LVRN: variants seen among roughly 807,000 people sequenced by gnomAD.
LVRN encodes the protein laeverin.
LVRN carries 99 observed loss-of-function variants against 111.4 expected under a neutral mutation model. That is an observed-to-expected ratio of 0.89 (90% CI 0.76 to 1.05). The LOEUF (loss-of-function observed/expected upper bound fraction) is 1.05, where lower values mean the gene tolerates loss of function less well. Among genes scored for constraint, LVRN ranks in the 50% least tolerant of loss-of-function variants. The pLI, the probability that LVRN is intolerant of heterozygous loss-of-function variation, is 0.00. For missense variants in LVRN, 1,414 were observed against 1,206.8 expected (o/e 1.17, Z -2.54); for synonymous variants, 488 against 449.5 (o/e 1.09, Z -1.08).
chr5:116,025,741 G>T (rs1233753743), intron 19 of LVRN, among the ~76,000 whole-genome samples: 3 of 152,158 alleles, frequency 2.0e-5, no homozygotes, highest in Admixed American at 1.3e-4. Flanking sequence ...ATAAGGCATA[G>T]TTTCTGCTTC....
chr5:115,980,231 G>A lies in LVRN; in HGVS notation c.696-3056G>A, dbSNP rs527263954. 7.2e-5 allele frequency among the ~76,000 whole-genome samples: 11 copies of A among 152,028 alleles called. No individual in the cohort carries two copies. The South Asian group carries it at 1.3e-3, about 17-fold the overall frequency. On this transcript the variant is annotated intron_variant, in intron 1 of 19. Transcript: ENST00000357872. ...TTCTATTTTCTGAAGTCAAAATATCGTTACAGGGTAGCTTGAGTCCAAAGC... is the reference window on the plus strand; with the variant it reads ...TTCTATTTTCTGAAGTCAAAATATCATTACAGGGTAGCTTGAGTCCAAAGC...
Position 116,026,092 on chromosome 5 carries a change from G to A in LVRN, c.2947G>A (p.Ala983Thr). Residue 983 changes from alanine (A) to threonine (T), a missense_variant, in exon 20 of 20, where the codon GCT becomes ACT. Coordinates refer to ENST00000357872, the MANE Select transcript of LVRN (RefSeq NM_173800.5). ...LKNKKLSARI[A>T]AWLRRNT The stretch of plus-strand genomic sequence containing the variant: ...AAACAAGAAGCTAAGTGCCAGGATA[G>A]CTGCGTGGCTAAGGAGAAACACATA... The A allele has an allele frequency of 6.2e-7, 1 of 1,613,842 alleles. No individual in the cohort carries two copies. Among genetic ancestry groups the A allele is most frequent in the Non-Finnish European group, 8.5e-7 (1 of 1,179,822 alleles).
intron 15 of LVRN, among the ~76,000 whole-genome samples, chr5:116,013,946 C>G (rs1484564019): frequency 1.3e-5 from 2 of 152,300 alleles, no homozygotes; most frequent in African/African-American, 4.8e-5. Context: ...AAGAAACACA[C>G]TAAAGCAAAA....
chr5:115,990,241 C>T (rs777306243), intron 4 of LVRN, among the ~76,000 whole-genome samples: 3 of 152,118 alleles, frequency 2.0e-5, no homozygotes, highest in Admixed American at 6.6e-5. Flanking sequence ...ATTATTGTGC[C>T]AATTGACACT....
chr5:115,982,650 T>G (rs1753584402), intron 1 of LVRN, among the ~76,000 whole-genome samples: 1 of 152,152 alleles, frequency 6.6e-6, no homozygotes, highest in Non-Finnish European at 1.5e-5. Context: ...AGCTTTTCCC[T>G]GTAAGTCACC....
intron 1 of LVRN, among the ~76,000 whole-genome samples, chr5:115,971,505 G>A (rs1218530948): frequency 1.3e-5 from 2 of 152,074 alleles, no homozygotes; most frequent in African/African-American, 2.4e-5. Context: ...ATGGTGTGAG[G>A]TATGGATTAA....
intron 10 of LVRN, among the ~76,000 whole-genome samples, chr5:116,002,621 GAC>G (rs1385599325): frequency 6.6e-6 from 1 of 152,182 alleles, no homozygotes; most frequent in African/African-American, 2.4e-5. Context: ...AAATCCGTAA[GAC>G]ACAACAGGAG....
chr5:115,987,025 A>C (rs1465137545), intron 3 of LVRN, among the ~76,000 whole-genome samples: 2 of 151,382 alleles, frequency 1.3e-5, no homozygotes, highest in Admixed American at 6.6e-5. Context: ...TTCTATTAAA[A>C]ATTACTTACT....
At chr5:115,985,246 C>G (rs1233160187) in intron 3 of LVRN, among the ~76,000 whole-genome samples, 1 of 152,090 alleles carries the variant, frequency 6.6e-6, no homozygotes, top group Admixed American at 6.6e-5. Flanking sequence ...AAAGCGACCC[C>G]CAAATGCAGA....
chr5:115,985,101 A>C (rs1487003188), intron 3 of LVRN, among the ~76,000 whole-genome samples: 1 of 152,170 alleles, frequency 6.6e-6, no homozygotes, highest in Non-Finnish European at 1.5e-5. Context: ...GGTGATACTC[A>C]AAACAGTTAG....
rs758910161 is a variant in LVRN, at chr5:115,992,222, T to A, written c.1205T>A (p.Leu402Gln). ...SGLLLEPKDQ[L>Q]TEKKTLISYV... Reference sequence around the variant, plus strand: ...TTGTTGTTGGAACCAAAAGATCAACTGACAGAAAAAAAGACTCTGATCTCC... The same window carrying A: ...TTGTTGTTGGAACCAAAAGATCAACAGACAGAAAAAAAGACTCTGATCTCC... The change falls in exon 5 of 20, where the codon CTG becomes CAG. Residue 402 changes from leucine to glutamine, a missense_variant. Physicochemically the swap from Leu to Gln is moderately radical, Grantham distance 113 (BLOSUM62 -2). Transcript: ENST00000357872. 1.9e-6 allele frequency: 3 copies of A among 1,613,826 alleles called. No individual in the cohort carries two copies. The African/African-American group carries it at 4.0e-5, about 22-fold the overall frequency.
intron 5 of LVRN, among the ~76,000 whole-genome samples, chr5:115,993,180 T>C (rs1748030953): frequency 6.7e-6 from 1 of 148,984 alleles, no homozygotes; most frequent in Non-Finnish European, 1.5e-5. Context: ...CCTAATTCTG[T>C]TCATCATCCA....
chr5:115,993,200 G>GTTTTT (rs35417462), intron 5 of LVRN, among the ~76,000 whole-genome samples: 2,916 of 148,718 alleles, frequency 0.02, 106 homozygotes, highest in East Asian at 0.079. Flanking sequence ...ATTTGACACT[G>GTTTTT]TTTTTTTTTT....
intron 19 of LVRN, among the ~76,000 whole-genome samples, chr5:116,024,583 G>A (rs563772270): frequency 1.3e-5 from 2 of 152,252 alleles, no homozygotes; most frequent in South Asian, 4.1e-4. Context: ...CAAAAGCTCC[G>A]CGAATCAAGA....
In LVRN at chr5:116,026,522, T is replaced by C. The variant is rs115132832; in HGVS notation, c.*404T>C. The C allele has an allele frequency of 8.4e-3, 2,031 of 242,032 alleles. 12 individuals carry two copies. The highest frequency in any genetic ancestry group is 0.025 in the Middle Eastern group (17 of 668). 15.0% of individuals were successfully genotyped at this position (242,032 alleles called of 1,614,324 possible). The stretch of plus-strand genomic sequence containing the variant: ...AGTTTTTCCAGGCCCTAGGGTTTAT[T>C]TAGTTCAACATTGAAGATTGAAAAG... On this transcript the variant is annotated 3_prime_UTR_variant, in exon 20 of 20. Coordinates refer to ENST00000357872, the MANE Select transcript of LVRN (RefSeq NM_173800.5).
chr5:116,003,389 A>T lies in LVRN; in HGVS notation c.2037+9A>T, dbSNP rs6594929. The T allele has an allele frequency of 7.2e-7, 1 of 1,382,588 alleles. No homozygotes were observed. The highest frequency in any genetic ancestry group is 2.6e-5 in the East Asian group (1 of 39,110). 85.6% of individuals were successfully genotyped at this position (1,382,588 alleles called of 1,614,324 possible). The stretch of plus-strand genomic sequence containing the variant: ...TTGAAAAGGATCCTAAGGTAAGGTT[A>T]CTTTTGATACTTTTAATTAAATATA... On this transcript the variant is annotated intron_variant, in intron 12 of 19. Transcript: ENST00000357872.
intron 6 of LVRN, 78 bp from the exon 7 acceptor site, chr5:115,999,684 A>C: frequency 2.0e-6 from 3 of 1,486,772 alleles, no homozygotes; most frequent in Non-Finnish European, 2.8e-6. Flanking sequence ...TCAGTTTTTG[A>C]AAGTATTTTA....
At chr5:115,975,197 G>A (rs1471267169) in intron 1 of LVRN, 43 of 478,792 alleles carry the variant, frequency 9.0e-5, no homozygotes, top group Non-Finnish European at 1.6e-4. Flanking sequence ...CTGTCTGGGC[G>A]CACATCTAAC....
Position 116,015,711 on chromosome 5 carries a change from G to A in LVRN, c.2702G>A (p.Gly901Asp). The change falls in exon 18 of 20, where the codon GGC (glycine) becomes GAC (aspartate). Residue 901 changes from glycine to aspartate, a missense_variant. Transcript: ENST00000357872. Reference sequence around the variant, plus strand: ...GAGGTTGTGGCTTCATCTGAAGTTGGCCGGTATGTCGCAAAAGACTTCTTA... The same window carrying A: ...GAGGTTGTGGCTTCATCTGAAGTTGACCGGTATGTCGCAAAAGACTTCTTA... The part of the protein sequence containing the change: ...IIEVVASSEV[G>D]RYVAKDFLVN... The A allele has an allele frequency of 6.2e-7, 1 of 1,613,400 alleles. No individual in the cohort carries two copies. The highest frequency in any genetic ancestry group is 8.5e-7 in the Non-Finnish European group (1 of 1,179,590).
Sources: allele counts gnomAD v4.1 joint callset (sites outside exome capture counted in the v4.1 genomes callset), GRCh38; gene constraint gnomAD v4.1.1; transcripts MANE v1.5; gene names NCBI Gene and HGNC (gene_info 2026-07-23, HGNC 2026-07-21).